The following PAPPA variants were observed in gnomAD, a reference collection of about 807,000 sequenced individuals.
PAPPA encodes the protein pappalysin 1.
Under a neutral mutation model 164.0 loss-of-function variants are expected in PAPPA, and 60 were observed. That is an observed-to-expected ratio of 0.37 (90% CI 0.30 to 0.45). The LOEUF (loss-of-function observed/expected upper bound fraction) is 0.45, where lower values mean the gene tolerates loss of function less well. Ranked by LOEUF, PAPPA falls within the 20% of genes least tolerant of loss-of-function variation. The pLI is 1.00. For synonymous variants in PAPPA, 875 were observed against 814.1 expected (o/e 1.07, Z -1.27); for missense variants, 1,782 against 2,087.3 (o/e 0.85, Z 2.85).
intron 13 of PAPPA, among the ~76,000 whole-genome samples, chr9:116,337,938 A>G (rs1000137882): frequency 3.3e-5 from 5 of 152,160 alleles, no homozygotes; most frequent in Admixed American, 2.6e-4. Flanking sequence ...GTGCAATTCT[A>G]GCCAAATCTC....
chr9:116,311,937 C>T (rs532493131), intron 10 of PAPPA, among the ~76,000 whole-genome samples: 6 of 152,318 alleles, frequency 3.9e-5, no homozygotes, highest in Admixed American at 2.6e-4. Flanking sequence ...CCACGTGGAA[C>T]GGTGAGATCC....
chr9:116,319,746 C>T lies in PAPPA; in HGVS notation c.3148-11498C>T, dbSNP rs116450223. ...GTAACACAGACTTCAACATCCACTC[C>T]GAACAGGTGTGGCCTTGGCACCTTA... On this transcript the variant is annotated intron_variant, in intron 10 of 21. Coordinates refer to ENST00000328252, the MANE Select transcript of PAPPA (RefSeq NM_002581.5). 2.9e-3 allele frequency among the ~76,000 whole-genome samples: 443 copies of T among 152,250 alleles called. 4 individuals carry two copies. The highest frequency in any genetic ancestry group is 0.01 in the African/African-American group (423 of 41,548).
intron 1 of PAPPA, among the ~76,000 whole-genome samples, chr9:116,181,643 C>T (rs1226437636): frequency 1.3e-5 from 2 of 152,220 alleles, no homozygotes; most frequent in Admixed American, 1.3e-4. Flanking sequence ...CAGCCAAAAG[C>T]ATGGCAGCAA....
In PAPPA at chr9:116,247,842, C is replaced by A. The variant is rs139465457; in HGVS notation, c.2732+12205C>A. On this transcript the variant is annotated intron_variant, in intron 7 of 21. Transcript: ENST00000328252. ...CTGAATTTGGAATCAAGAGATCTGA[C>A]TCCCACACCAGCACCAGCCTTGCTG... Among the ~76,000 whole-genome samples, 480 of 152,268 alleles carry A rather than the reference C, an allele frequency of 3.2e-3. 2 individuals carry two copies. Among genetic ancestry groups the A allele is most frequent in the African/African-American group, 0.011 (458 of 41,548 alleles).
chr9:116,259,535 T>G (rs189945268), intron 7 of PAPPA, among the ~76,000 whole-genome samples: 1 of 152,094 alleles, frequency 6.6e-6, no homozygotes, highest in South Asian at 2.1e-4. Flanking sequence ...TCCACAAACA[T>G]GTGAAAAGAT....
At chr9:116,351,779 T>C (rs1432015464) in intron 15 of PAPPA, among the ~76,000 whole-genome samples, 2 of 152,210 alleles carry the variant, frequency 1.3e-5, no homozygotes, top group African/African-American at 4.8e-5. Context: ...CGGTACATAG[T>C]AACTGCCCAG....
intron 15 of PAPPA, among the ~76,000 whole-genome samples, chr9:116,350,014 T>C (rs1258148364): frequency 6.6e-6 from 1 of 152,160 alleles, no homozygotes; most frequent in Non-Finnish European, 1.5e-5. Flanking sequence ...TCTGGGAAAC[T>C]CTGGGAGACG....
At position 116,362,633 on chromosome 9, in the gene PAPPA, C is replaced by G; in HGVS notation, c.4389C>G (p.Thr1463=). 1 of 1,614,094 alleles carries G rather than the reference C, an allele frequency of 6.2e-7. No individual in the cohort carries two copies. The highest frequency in any genetic ancestry group is 1.1e-5 in the South Asian group (1 of 91,054). Residue 1463 remains threonine (T), a synonymous_variant, in exon 18 of 22, where the codon ACC becomes ACG. Transcript: ENST00000328252. ...SNVIHCRKDG[T]WNGSFHVCQE... ...TCATTCATTGCCGGAAAGATGGCAC[C>G]TGGAACGGCTCCTTCCATGTCTGCC...
In PAPPA at chr9:116,154,058, G is replaced by A. The variant is rs1459516202; in HGVS notation, c.-115G>A. ...AAAAGAAAAAAGCAAGTGGAAAGGG[G>A]GGCTCGCCCAAGAAGGGTGAAGAAG... On this transcript the variant is annotated 5_prime_UTR_variant, in exon 1 of 22. Coordinates refer to ENST00000328252, the MANE Select transcript of PAPPA (RefSeq NM_002581.5). This position sits in a 1 kb window ranked among gnomAD's most constrained non-coding sequence, Gnocchi z 5.2. 14 of 1,149,860 alleles carry A rather than the reference G, an allele frequency of 1.2e-5. No homozygotes were observed. Among genetic ancestry groups the A allele is most frequent in the East Asian group, 1.2e-4 (2 of 17,324 alleles). The allele number at this position is 1,149,860 out of a possible 1,614,324, so 71.2% of individuals were successfully genotyped here.
chr9:116,324,548 A>G (rs573475470), intron 10 of PAPPA, among the ~76,000 whole-genome samples: 1 of 152,188 alleles, frequency 6.6e-6, no homozygotes, highest in Admixed American at 6.5e-5. Flanking sequence ...GTTTAAAGAG[A>G]TGAGGCTGGA....
intron 10 of PAPPA, among the ~76,000 whole-genome samples, chr9:116,321,103 C>T (rs912040912): frequency 6.6e-6 from 1 of 151,958 alleles, no homozygotes; most frequent in East Asian, 1.9e-4. Flanking sequence ...TCTCGGCTCA[C>T]TGCAGGCTCC....
intron 7 of PAPPA, among the ~76,000 whole-genome samples, chr9:116,253,358 G>A (rs61483021): frequency 0.018 from 2,685 of 152,186 alleles, 82 homozygotes; most frequent in African/African-American, 0.062. Context: ...TTTTGACTGA[G>A]CTTCATACAT....
In PAPPA at chr9:116,376,411, T is replaced by A. The variant is rs1469502649; in HGVS notation, c.4606-1165T>A. Among the ~76,000 whole-genome samples the A allele has an allele frequency of 3.3e-5, 5 of 152,186 alleles. No homozygotes were observed. In the East Asian group the frequency reaches 9.6e-4, roughly 29 times the overall value. On this transcript the variant is annotated intron_variant, in intron 19 of 21. Transcript: ENST00000328252. ...TTCTTATTTCACCCACTTTTTAAAA[T>A]ATCATCATGTTGGATTTTATGTTAT...
chr9:116,368,561 C>T (rs934336362), intron 19 of PAPPA, among the ~76,000 whole-genome samples: 10 of 152,216 alleles, frequency 6.6e-5, no homozygotes, highest in East Asian at 3.9e-4. Flanking sequence ...TGTTCCCACT[C>T]GCCTTTGTGT....
chr9:116,205,004 TC>T (rs1844215441), intron 2 of PAPPA, among the ~76,000 whole-genome samples: 1 of 151,758 alleles, frequency 6.6e-6, no homozygotes. Flanking sequence ...TCAGCCTGGC[TC>T]TGTATTAGTG....
chr9:116,200,452 A>C (rs961545592), intron 2 of PAPPA, among the ~76,000 whole-genome samples: 10 of 152,122 alleles, frequency 6.6e-5, no homozygotes, highest in African/African-American at 2.4e-4. Context: ...CACTTTTCCA[A>C]GTGGAGGGAC....
chr9:116,359,560 C>A (rs1266389966), intron 17 of PAPPA, among the ~76,000 whole-genome samples: 1 of 152,200 alleles, frequency 6.6e-6, no homozygotes, highest in Non-Finnish European at 1.5e-5. Flanking sequence ...GATGCCAGAT[C>A]TTCTCTGGTC....
chr9:116,235,026 C>T, intron 6 of PAPPA, 113 bp from the exon 7 acceptor site: 1 of 1,171,326 alleles, frequency 8.5e-7, no homozygotes. Flanking sequence ...CTCTCCTTTT[C>T]CCCTCTGTCT....
At chr9:116,344,403 C>T (rs1475242122) in intron 13 of PAPPA, 140 bp from the exon 14 acceptor site, 5 of 747,226 alleles carry the variant, frequency 6.7e-6, no homozygotes, top group Non-Finnish European at 1.1e-5. Context: ...GTCATCTTCA[C>T]CCTAGCCAGC....
Sources: allele counts gnomAD v4.1 joint callset (sites outside exome capture counted in the v4.1 genomes callset), GRCh38; gene constraint gnomAD v4.1.1; non-coding constraint Gnocchi (gnomAD v3.1); transcripts MANE v1.5; gene names NCBI Gene and HGNC (gene_info 2026-07-23, HGNC 2026-07-21).